CPNE8: variants seen among roughly 807,000 people sequenced by gnomAD.
The protein encoded by CPNE8 is copine 8.
Under a neutral mutation model 81.5 loss-of-function variants are expected in CPNE8, and 45 were observed. The ratio of observed to expected loss-of-function variants is 0.55; its 90% CI spans 0.44 to 0.71. The LOEUF is 0.71. Ranked by LOEUF, CPNE8 falls within the 30% of genes least tolerant of loss-of-function variation. The pLI is 0.00. For missense variants in CPNE8, 594 were observed against 672.1 expected, an observed-to-expected ratio of 0.88 and a Z score of 1.28; for synonymous variants, 252 against 226.3, an observed-to-expected ratio of 1.11 and a Z score of -1.02.
intron 3 of CPNE8, among the ~76,000 whole-genome samples, chr12:38,857,836 C>T (rs1943769154): frequency 6.6e-6 from 1 of 152,150 alleles, no homozygotes; most frequent in South Asian, 2.1e-4. Context: ...GCGGAGGTTG[C>T]AGTGAGCTGA....
chr12:38,849,821 A>G (rs953838754), intron 3 of CPNE8, among the ~76,000 whole-genome samples: 1 of 152,214 alleles, frequency 6.6e-6, no homozygotes, highest in Admixed American at 6.5e-5. Context: ...TACAGCCACC[A>G]GTTATTGAGT....
intron 10 of CPNE8, among the ~76,000 whole-genome samples, chr12:38,751,866 G>T (rs1406662230): frequency 6.6e-6 from 1 of 151,952 alleles, no homozygotes; most frequent in Admixed American, 6.6e-5. Flanking sequence ...TATTATTCAG[G>T]CTATCTCGAC....
intron 6 of CPNE8, among the ~76,000 whole-genome samples, chr12:38,794,491 T>C (rs991043804): frequency 6.6e-6 from 1 of 152,090 alleles, no homozygotes; most frequent in Non-Finnish European, 1.5e-5. Flanking sequence ...AAAATGAGCA[T>C]GGCACTTCAG....
chr12:38,859,998 T>C lies in CPNE8; in HGVS notation c.187-11336A>G, dbSNP rs190667916. On this transcript the variant is annotated intron_variant, in intron 3 of 19. Transcript: ENST00000331366. Reference sequence around the variant, plus strand: ...GGGTAAAAGTTTCATGACATTGGTCTTGGGCCATGAATTCTTGATTATAAC... The same window carrying C: ...GGGTAAAAGTTTCATGACATTGGTCCTGGGCCATGAATTCTTGATTATAAC... Among the ~76,000 whole-genome samples, 556 of 152,216 alleles carry C rather than the reference T, an allele frequency of 3.7e-3. 2 individuals carry two copies. Among genetic ancestry groups the C allele is most frequent in the African/African-American group, 0.013 (533 of 41,564 alleles).
chr12:38,778,331 G>A (rs1004684550), intron 6 of CPNE8, among the ~76,000 whole-genome samples: 2 of 152,018 alleles, frequency 1.3e-5, no homozygotes, highest in African/African-American at 2.4e-5. Context: ...AGCATGTCTC[G>A]GGACATATCA....
At chr12:38,771,324 G>T (rs1270333013) in intron 7 of CPNE8, among the ~76,000 whole-genome samples, 3 of 149,850 alleles carry the variant, frequency 2.0e-5, no homozygotes, top group African/African-American at 7.6e-5. Context: ...AATTAGCCAG[G>T]TGTGGCGGTG....
intron 6 of CPNE8, among the ~76,000 whole-genome samples, chr12:38,795,487 C>T (rs1369890471): frequency 6.6e-6 from 1 of 151,678 alleles, no homozygotes; most frequent in Non-Finnish European, 1.5e-5. Context: ...AATCTATCCA[C>T]AGATGAATGA....
intron 6 of CPNE8, among the ~76,000 whole-genome samples, chr12:38,782,688 G>GTT (rs111521870): frequency 1.0e-3 from 154 of 147,526 alleles, no homozygotes; most frequent in African/African-American, 3.5e-3. Context: ...TTTTTGTTTT[G>GTT]TTTTTTTTTT....
intron 18 of CPNE8, among the ~76,000 whole-genome samples, chr12:38,674,999 C>T (rs1452133123): frequency 3.3e-5 from 5 of 152,168 alleles, no homozygotes; most frequent in Admixed American, 6.5e-5. Flanking sequence ...CTGTCTAGCA[C>T]AAAGTTCTCT....
At chr12:38,872,478 T>C (rs950712913) in intron 3 of CPNE8, among the ~76,000 whole-genome samples, 2 of 152,210 alleles carry the variant, frequency 1.3e-5, no homozygotes, top group African/African-American at 4.8e-5. Flanking sequence ...CCAATGATCA[T>C]CCGCCCATTT....
intron 9 of CPNE8, among the ~76,000 whole-genome samples, chr12:38,761,299 G>T (rs1941565965): frequency 2.0e-5 from 3 of 152,150 alleles, no homozygotes; most frequent in Admixed American, 2.0e-4. Context: ...TGATTAAGCA[G>T]GTCTGGATTG....
chr12:38,876,985 G>T (rs116210893), intron 1 of CPNE8, among the ~76,000 whole-genome samples: 1 of 152,132 alleles, frequency 6.6e-6, no homozygotes. Context: ...TATTGTGAAG[G>T]CCATTTCATA....
At chr12:38,793,192 C>G (rs1294274688) in intron 6 of CPNE8, among the ~76,000 whole-genome samples, 1 of 142,524 alleles carries the variant, frequency 7.0e-6, no homozygotes, top group African/African-American at 3.1e-5. Context: ...TCTCCCACTT[C>G]TATTCAACAT....
chr12:38,690,045 C>T (rs1276681464), intron 15 of CPNE8, among the ~76,000 whole-genome samples: 1 of 152,204 alleles, frequency 6.6e-6, no homozygotes, highest in African/African-American at 2.4e-5. Flanking sequence ...AGTTCAACAT[C>T]TGTACTGGCC....
intron 18 of CPNE8, among the ~76,000 whole-genome samples, chr12:38,671,637 T>C (rs961623708): frequency 6.6e-6 from 1 of 152,160 alleles, no homozygotes; most frequent in Admixed American, 6.6e-5. Context: ...CACATGACAT[T>C]CACCAGACTC....
At chr12:38,877,117 T>G (rs1372074716) in intron 1 of CPNE8, among the ~76,000 whole-genome samples, 1 of 152,186 alleles carries the variant, frequency 6.6e-6, no homozygotes. Context: ...CTTTACAAAA[T>G]ACCTCAGTTT....
At chr12:38,692,570 CAG>C (rs1939700831) in intron 15 of CPNE8, among the ~76,000 whole-genome samples, 2 of 151,992 alleles carry the variant, frequency 1.3e-5, no homozygotes, top group Admixed American at 6.6e-5. Context: ...GAGGCTAAAC[CAG>C]TATATATTTG....
chr12:38,814,646 G>C (rs1006810045), intron 6 of CPNE8, among the ~76,000 whole-genome samples: 1 of 151,466 alleles, frequency 6.6e-6, no homozygotes, highest in Admixed American at 6.6e-5. Flanking sequence ...ATTTTTCTTT[G>C]CTGAACAATG....
chr12:38,688,395 G>T (rs1342591769), intron 15 of CPNE8, among the ~76,000 whole-genome samples: 1 of 152,064 alleles, frequency 6.6e-6, no homozygotes, highest in African/African-American at 2.4e-5. Flanking sequence ...TTTAGTATAT[G>T]CTCTGGATTA....
Sources: allele counts gnomAD v4.1 joint callset (sites outside exome capture counted in the v4.1 genomes callset), GRCh38; gene constraint gnomAD v4.1.1; transcripts MANE v1.5; gene names NCBI Gene and HGNC (gene_info 2026-07-23, HGNC 2026-07-21).